The following KCNQ3 variants were observed in gnomAD, a reference collection of about 807,000 sequenced individuals.
KCNQ3 encodes potassium voltage-gated channel subfamily KQT member 3.
In KCNQ3, 30 loss-of-function variants were observed where a neutral mutation model predicts 92.5. The ratio of observed to expected loss-of-function variants is 0.32; its 90% confidence interval spans 0.24 to 0.44. KCNQ3 has a LOEUF of 0.44. Among genes scored for constraint, KCNQ3 ranks in the 20% least tolerant of loss-of-function variants. The pLI, the probability that KCNQ3 is intolerant of heterozygous loss-of-function variation, is 1.00. For synonymous variants in KCNQ3, 450 were observed against 468.8 expected, an observed-to-expected ratio of 0.96 and a Z score of 0.52; for missense variants, 913 against 1,140.3, an observed-to-expected ratio of 0.80 and a Z score of 2.87.
intron 1 of KCNQ3, among the ~76,000 whole-genome samples, chr8:132,293,298 T>C (rs764507552): frequency 1.3e-5 from 2 of 151,998 alleles, no homozygotes; most frequent in Non-Finnish European, 2.9e-5. Flanking sequence ...GTTCTAGAGG[T>C]CTGAACTTGA....
intron 1 of KCNQ3, among the ~76,000 whole-genome samples, chr8:132,387,586 G>A (rs1819922380): frequency 6.6e-6 from 1 of 151,996 alleles, no homozygotes; most frequent in South Asian, 2.1e-4. Flanking sequence ...TTTGAAGAAG[G>A]AAAAAACAAT....
chr8:132,416,914 C>T (rs11995607), intron 1 of KCNQ3, among the ~76,000 whole-genome samples: 2,607 of 152,232 alleles, frequency 0.017, 72 homozygotes, highest in African/African-American at 0.059. Flanking sequence ...TTGGAGCAGA[C>T]AGATAAACAA....
chr8:132,126,289 G>A lies in KCNQ3; in HGVS notation c.*2973C>T, dbSNP rs935338704. The A allele has an allele frequency of 1.3e-5, 2 of 152,126 alleles. No individual in the cohort carries two copies. Among genetic ancestry groups the A allele is most frequent in the African/African-American group, 4.8e-5 (2 of 41,428 alleles). 9.4% of individuals were successfully genotyped at this position (152,126 alleles called of 1,614,324 possible). ...ACCAGTTCCATTGGATTATCATGCT[G>A]TTCCCTTGTCTGACAAAAGGATCTT... is the stretch of plus-strand genomic sequence containing the variant. On this transcript the variant is annotated 3_prime_UTR_variant, in exon 15 of 15. Transcript: ENST00000388996.
intron 1 of KCNQ3, among the ~76,000 whole-genome samples, chr8:132,214,056 G>A (rs554482090): frequency 3.9e-5 from 6 of 152,264 alleles, no homozygotes; most frequent in African/African-American, 1.4e-4. Flanking sequence ...GATAAATAAA[G>A]TTCTAGAGCA....
intron 1 of KCNQ3, among the ~76,000 whole-genome samples, chr8:132,300,813 T>C (rs1451163583): frequency 6.6e-6 from 1 of 152,142 alleles, no homozygotes; most frequent in East Asian, 1.9e-4. Context: ...CCATGACCCC[T>C]TGTGGGCTCA....
At chr8:132,312,125 C>T (rs960587669) in intron 1 of KCNQ3, among the ~76,000 whole-genome samples, 3 of 152,226 alleles carry the variant, frequency 2.0e-5, no homozygotes, top group East Asian at 1.9e-4. Context: ...TCAGAAGGAG[C>T]GTGGCTCTGC....
Position 132,174,279 on chromosome 8 carries a change from G to C in KCNQ3, c.1004C>G (p.Thr335Ser). The part of the protein sequence containing the change: ...KTWEGRLIAA[T>S]FSLIGVSFFA... Reference sequence around the variant, plus strand: ...AAAGGAGACGCCAATTAAGGAAAAGGTGGCGGCAATCAGACGGCCTTCCCA... The same window carrying C: ...AAAGGAGACGCCAATTAAGGAAAAGCTGGCGGCAATCAGACGGCCTTCCCA... Residue 335 changes from threonine to serine, a missense_variant, in exon 6 of 15, where the codon ACC (threonine) becomes AGC (serine). By Grantham distance (58) the Thr-to-Ser change is moderately conservative (BLOSUM62 1). Around this residue, in one of 6 missense-constraint regions of KCNQ3, gnomAD observed 52 missense variants for 127.7 expected, o/e 0.41. Coordinates refer to ENST00000388996, the MANE Select transcript of KCNQ3 (RefSeq NM_004519.4). 1 of 1,551,982 alleles carries C rather than the reference G, an allele frequency of 6.4e-7. No individual in the cohort carries two copies. The highest frequency in any genetic ancestry group is 8.7e-7 in the Non-Finnish European group (1 of 1,147,204).
chr8:132,444,916 C>T (rs1282000540), intron 1 of KCNQ3, among the ~76,000 whole-genome samples: 3 of 152,166 alleles, frequency 2.0e-5, no homozygotes, highest in Non-Finnish European at 4.4e-5. Flanking sequence ...TTGTAAATTA[C>T]AAAGGAACCT....
chr8:132,177,262 T>C (rs1486894881), intron 4 of KCNQ3, among the ~76,000 whole-genome samples: 2 of 152,236 alleles, frequency 1.3e-5, no homozygotes, highest in Non-Finnish European at 2.9e-5. Flanking sequence ...GTCCTAATTC[T>C]GTACTTTGGA....
In KCNQ3 at chr8:132,438,794, A is replaced by G. The variant is rs558568058; in HGVS notation, c.386+41353T>C. On this transcript the variant is annotated intron_variant, in intron 1 of 14. Coordinates refer to ENST00000388996, the MANE Select transcript of KCNQ3 (RefSeq NM_004519.4). ...TAGCTGCCGTGTGTTGTTCCCTATC[A>G]CTAAGAAGGTTCATGAACAGTCTAG... Among the ~76,000 whole-genome samples the G allele has an allele frequency of 2.6e-5, 4 of 151,968 alleles. No homozygotes were observed. In the South Asian group the frequency reaches 8.3e-4, roughly 32 times the overall value.
intron 9 of KCNQ3, among the ~76,000 whole-genome samples, chr8:132,154,216 T>TTTTTTTTTTTTTTTTTTTTTTTTTC (rs1825736302): frequency 1.5e-5 from 2 of 133,174 alleles, no homozygotes; most frequent in Non-Finnish European, 3.3e-5. Flanking sequence ...TTTTTTTTTT[T>TTTTTTTTTTTTTTTTTTTTTTTTTC]TTTTTTTAGC....
At chr8:132,439,069 G>A (rs779517308) in intron 1 of KCNQ3, among the ~76,000 whole-genome samples, 3 of 150,876 alleles carry the variant, frequency 2.0e-5, no homozygotes, top group Non-Finnish European at 2.9e-5. Context: ...TCCCACTTAC[G>A]CCAGCTCCCA....
chr8:132,305,648 C>A (rs906456064), intron 1 of KCNQ3, among the ~76,000 whole-genome samples: 2 of 152,088 alleles, frequency 1.3e-5, no homozygotes, highest in Admixed American at 6.6e-5. Flanking sequence ...TCAGTACTGA[C>A]TCTGGCTGTA....
At chr8:132,205,884 A>G (rs1813642001) in intron 1 of KCNQ3, among the ~76,000 whole-genome samples, 1 of 152,094 alleles carries the variant, frequency 6.6e-6, no homozygotes, top group Admixed American at 6.6e-5. Flanking sequence ...GTATTAATAG[A>G]TGTGCAAGGC....
chr8:132,299,712 C>T (rs891253148), intron 1 of KCNQ3, among the ~76,000 whole-genome samples: 2 of 152,166 alleles, frequency 1.3e-5, no homozygotes, highest in African/African-American at 4.8e-5. Flanking sequence ...AAATATCACA[C>T]AATTAGGGAG....
chr8:132,435,967 C>G (rs1821384358), intron 1 of KCNQ3, among the ~76,000 whole-genome samples: 1 of 152,126 alleles, frequency 6.6e-6, no homozygotes, highest in Non-Finnish European at 1.5e-5. Context: ...AGGGTTGGCC[C>G]CTGAAAGAGA....
chr8:132,318,820 C>T (rs1326247489), intron 1 of KCNQ3, among the ~76,000 whole-genome samples: 1 of 152,208 alleles, frequency 6.6e-6, no homozygotes, highest in Non-Finnish European at 1.5e-5. Flanking sequence ...GAGCATCAGT[C>T]GACCCTGAAT....
At chr8:132,309,237 T>A (rs1204412589) in intron 1 of KCNQ3, among the ~76,000 whole-genome samples, 2 of 152,206 alleles carry the variant, frequency 1.3e-5, no homozygotes, top group Non-Finnish European at 2.9e-5. Context: ...TACTCCTTAA[T>A]ATATACTCCT....
At chr8:132,152,360 G>T (rs981228309) in intron 9 of KCNQ3, among the ~76,000 whole-genome samples, 1 of 152,166 alleles carries the variant, frequency 6.6e-6, no homozygotes, top group Admixed American at 6.5e-5. Flanking sequence ...ACTATTTACA[G>T]CCTTTAACAA....
Sources: gnomAD v4.1 joint callset for allele counts (sites outside exome capture counted in the v4.1 genomes callset) on GRCh38, gnomAD v4.1.1 for gene constraint, gnomAD v4.1.1 regional missense constraint, MANE v1.5 for transcripts, NCBI Gene and HGNC (gene_info 2026-07-23, HGNC 2026-07-21) for gene names.